CHIC2: variants seen among roughly 807,000 people sequenced by gnomAD.
CHIC2 encodes cysteine-rich hydrophobic domain-containing protein 2.
In CHIC2, 14 loss-of-function variants were observed where a neutral mutation model predicts 25.9. The ratio of observed to expected loss-of-function variants is 0.54; its 90% CI spans 0.36 to 0.85. The LOEUF is 0.85. Among genes scored for constraint, CHIC2 ranks in the 40% least tolerant of loss-of-function variants. The pLI is 0.01. For synonymous variants in CHIC2, 70 were observed against 72.0 expected (o/e 0.97, Z 0.14); for missense variants, 146 against 202.0 (o/e 0.72, Z 1.68).
At chr4:54,026,210 TA>T (rs559155416) in intron 3 of CHIC2, among the ~76,000 whole-genome samples, 235 of 152,292 alleles carry the variant, frequency 1.5e-3, no homozygotes, top group African/African-American at 5.4e-3. Flanking sequence ...AGAACTATTA[TA>T]ATACTATCAC....
intron 3 of CHIC2, among the ~76,000 whole-genome samples, chr4:54,046,944 C>A (rs1483247134): frequency 1.3e-5 from 2 of 151,948 alleles, no homozygotes; most frequent in Non-Finnish European, 2.9e-5. Flanking sequence ...AACTCAAACA[C>A]ATTTACAAGA....
intron 3 of CHIC2, among the ~76,000 whole-genome samples, chr4:54,024,180 T>C (rs2110066158): frequency 6.6e-6 from 1 of 152,226 alleles, no homozygotes; most frequent in South Asian, 2.1e-4. Flanking sequence ...AAGGAAAATA[T>C]CTCCTTCCAG....
the CHIC2 span, among the ~76,000 whole-genome samples, chr4:54,072,607 G>A: frequency 6.6e-6 from 1 of 152,172 alleles, no homozygotes; most frequent in Admixed American, 6.5e-5. Flanking sequence ...TAAAAGACTA[G>A]ATTCTTTAAG....
chr4:54,059,732 A>C (rs1051949108), intron 1 of CHIC2: 3 of 152,180 alleles, frequency 2.0e-5, no homozygotes, highest in Non-Finnish European at 4.4e-5. Flanking sequence ...AGAGAAGAAA[A>C]CAGTGATTCA....
At chr4:54,080,150 GTATATGTATGTGTA>G in the CHIC2 span, among the ~76,000 whole-genome samples, 1 of 145,618 alleles carries the variant, frequency 6.9e-6, no homozygotes. Context: ...GTATATATGT[GTATATGTATGTGTA>G]TATATATATG....
chr4:54,059,411 G>A (rs568849395), intron 1 of CHIC2, among the ~76,000 whole-genome samples: 9 of 152,032 alleles, frequency 5.9e-5, no homozygotes, highest in Admixed American at 4.6e-4. Context: ...GCATAGCAGC[G>A]TGTACCTGTA....
At chr4:54,087,179 T>A in the CHIC2 span, 1 of 721,382 alleles carries the variant, frequency 1.4e-6, no homozygotes, top group Non-Finnish European at 2.5e-6. Flanking sequence ...TGGAAACAGA[T>A]ATGGGGGCAG....
intron 3 of CHIC2, among the ~76,000 whole-genome samples, chr4:54,029,928 T>C (rs1273455895): frequency 6.6e-6 from 1 of 152,192 alleles, no homozygotes; most frequent in Non-Finnish European, 1.5e-5. Flanking sequence ...AACTTTACTA[T>C]TCACTTCTCC....
the CHIC2 span, chr4:54,087,007 A>C: frequency 2.0e-6 from 2 of 1,024,686 alleles, no homozygotes; most frequent in Non-Finnish European, 3.0e-6. Flanking sequence ...AACTAGAAGC[A>C]ACATGCAGAG....
chr4:54,086,680 G>C, the CHIC2 span, among the ~76,000 whole-genome samples: 2 of 152,208 alleles, frequency 1.3e-5, no homozygotes, highest in Non-Finnish European at 2.9e-5. Flanking sequence ...AAAAGAGTGA[G>C]AAAGCGGCAG....
intron 3 of CHIC2, among the ~76,000 whole-genome samples, chr4:54,026,228 AC>A (rs1266423380): frequency 2.6e-5 from 4 of 152,184 alleles, no homozygotes; most frequent in South Asian, 2.1e-4. Context: ...TCACAAAAAA[AC>A]AATTTTTTTG....
At chr4:54,032,853 G>GT (rs1159979401) in intron 3 of CHIC2, among the ~76,000 whole-genome samples, 1 of 152,150 alleles carries the variant, frequency 6.6e-6, no homozygotes, top group Non-Finnish European at 1.5e-5. Context: ...AAGAGCTGGG[G>GT]TATGTGTCCC....
chr4:54,064,130 C>T lies in CHIC2; in HGVS notation c.119+52G>A. On this transcript the variant is annotated intron_variant, in intron 1 of 5. Coordinates refer to ENST00000263921, the MANE Select transcript of CHIC2 (RefSeq NM_012110.4). This position sits in a 1 kb window ranked among gnomAD's most constrained non-coding sequence, Gnocchi z 4.2. Reference sequence around the variant, plus strand: ...GGGAAACGGGGCTCCCGTGGAGTAACGGGGCCCACCCCAGCCCGCACCTCC... The same window carrying T: ...GGGAAACGGGGCTCCCGTGGAGTAATGGGGCCCACCCCAGCCCGCACCTCC... 6.7e-7 allele frequency: 1 copy of T among 1,503,696 alleles called. No homozygotes were observed. Among genetic ancestry groups the T allele is most frequent in the East Asian group, 2.4e-5 (1 of 42,054 alleles). The allele number at this position is 1,503,696 out of a possible 1,614,324, so 93.1% of individuals were successfully genotyped here. A position where few individuals can be genotyped will look rare whatever the true frequency, so the allele number is the denominator to read the frequency against.
chr4:54,046,023 C>T (rs1341939099), intron 3 of CHIC2, among the ~76,000 whole-genome samples: 1 of 151,748 alleles, frequency 6.6e-6, no homozygotes, highest in East Asian at 1.9e-4. Flanking sequence ...AACAGAGAGC[C>T]AAATCATGAG....
intron 3 of CHIC2, among the ~76,000 whole-genome samples, chr4:54,024,582 C>A (rs939380330): frequency 6.6e-6 from 1 of 152,194 alleles, no homozygotes; most frequent in Admixed American, 6.5e-5. Context: ...CCCTGACTTA[C>A]TCACTGCTAA....
At chr4:54,039,856 T>C (rs1460590211) in intron 3 of CHIC2, among the ~76,000 whole-genome samples, 4 of 151,330 alleles carry the variant, frequency 2.6e-5, no homozygotes, top group African/African-American at 4.9e-5. Context: ...TACTCAACAA[T>C]AAAAAAGAAT....
At chr4:54,082,291 C>T in the CHIC2 span, among the ~76,000 whole-genome samples, 11 of 152,338 alleles carry the variant, frequency 7.2e-5, no homozygotes, top group African/African-American at 2.4e-4. Context: ...TGTGATCTGT[C>T]ACTCAGGATT....
At chr4:54,042,352 A>G (rs1482034027) in intron 3 of CHIC2, among the ~76,000 whole-genome samples, 5 of 152,242 alleles carry the variant, frequency 3.3e-5, no homozygotes, top group African/African-American at 1.2e-4. Flanking sequence ...TAAAAAGTCA[A>G]TCTTACATCT....
intron 3 of CHIC2, among the ~76,000 whole-genome samples, chr4:54,034,913 C>G (rs1482975793): frequency 6.6e-6 from 1 of 152,092 alleles, no homozygotes; most frequent in Non-Finnish European, 1.5e-5. Context: ...AAGTTTTATT[C>G]TATTAGGCTG....
Sources: allele counts gnomAD v4.1 joint callset (sites outside exome capture counted in the v4.1 genomes callset), GRCh38; gene constraint gnomAD v4.1.1; non-coding constraint Gnocchi (gnomAD v3.1); transcripts MANE v1.5; gene names NCBI Gene and HGNC (gene_info 2026-07-23, HGNC 2026-07-21).